Variants in PCDHA5 observed in about 807,000 individuals in gnomAD.
PCDHA5 encodes the protein protocadherin alpha 5.
A neutral mutation model predicts 61.6 loss-of-function variants in PCDHA5; 43 were observed. That is an observed-to-expected ratio of 0.70 (90% CI 0.55 to 0.90). PCDHA5 has a LOEUF of 0.90. PCDHA5 is among the 40% of genes least tolerant of loss of function. PCDHA5 has a pLI of 0.00. For synonymous variants in PCDHA5, 627 were observed against 543.9 expected (o/e 1.15, Z -2.13); for missense variants, 1,298 against 1,222.7 (o/e 1.06, Z -0.92).
rs782257127 is a variant in PCDHA5, at chr5:140,870,719, C to G, written c.2352+46592C>G. On this transcript the variant is annotated intron_variant, in intron 1 of 3. Coordinates refer to ENST00000529859, the MANE Select transcript of PCDHA5 (RefSeq NM_018908.3). ...CAGTTCCAGGTGAGCGCGCGCGATG[C>G]GGGCGTGCCGCCTCTGAGCAGCAAC... 3.7e-6 allele frequency: 6 copies of G among 1,612,966 alleles called. No homozygotes were observed. In the African/African-American group the frequency reaches 4.0e-5, roughly 11 times the overall value.
chr5:140,932,966 G>C (rs2088764912), intron 1 of PCDHA5, among the ~76,000 whole-genome samples: 1 of 151,942 alleles, frequency 6.6e-6, no homozygotes, highest in South Asian at 2.1e-4. Context: ...TTGCTGAAAG[G>C]TTTTTACAAT....
chr5:140,881,587 G>C (rs1025219392), intron 1 of PCDHA5, among the ~76,000 whole-genome samples: 2 of 152,186 alleles, frequency 1.3e-5, no homozygotes, highest in Non-Finnish European at 1.5e-5. Context: ...CACATTGAGG[G>C]AAATTTATTA....
In PCDHA5 at chr5:141,010,177, C is replaced by T; in HGVS notation, c.*240C>T. 3 of 1,556,196 alleles carry T rather than the reference C, an allele frequency of 1.9e-6. No homozygotes were observed. The highest frequency in any genetic ancestry group is 1.7e-4 in the Middle Eastern group (1 of 6,000). On this transcript the variant is annotated 3_prime_UTR_variant, in exon 4 of 4. Coordinates refer to ENST00000529859, the MANE Select transcript of PCDHA5 (RefSeq NM_018908.3). ...TGGCTTGTTTTCAGAACCTAAAAAG[C>T]AGACCCAAGTTTCCTTTCTCCTCCG... is the stretch of plus-strand genomic sequence containing the variant.
intron 1 of PCDHA5, chr5:140,836,937 G>T: frequency 2.1e-6 from 1 of 469,842 alleles, no homozygotes; most frequent in Non-Finnish European, 3.6e-6. Context: ...TAATACTATA[G>T]ATCAAAATCT....
chr5:140,861,480 T>G, intron 1 of PCDHA5: 1 of 490,608 alleles, frequency 2.0e-6, no homozygotes, highest in Non-Finnish European at 4.2e-6. Flanking sequence ...GAATGGCATT[T>G]TTGTGAGTTC....
chr5:140,895,428 C>A (rs2065003978), intron 1 of PCDHA5, among the ~76,000 whole-genome samples: 1 of 152,154 alleles, frequency 6.6e-6, no homozygotes, highest in Non-Finnish European at 1.5e-5. Flanking sequence ...TTTGCTTCCT[C>A]CTGAGACTCT....
chr5:140,878,060 T>C (rs1251415258), intron 1 of PCDHA5: 2 of 426,090 alleles, frequency 4.7e-6, no homozygotes, highest in Non-Finnish European at 7.6e-6. Flanking sequence ...CCACACTTAA[T>C]ATTTTTCTTT....
At chr5:140,886,951 C>T (rs1277166050) in intron 1 of PCDHA5, among the ~76,000 whole-genome samples, 1 of 151,696 alleles carries the variant, frequency 6.6e-6, no homozygotes, top group Non-Finnish European at 1.5e-5. Flanking sequence ...ACACATTAGA[C>T]ATTTAGCAAC....
At chr5:140,997,978 C>T (rs1205743045) in intron 3 of PCDHA5, among the ~76,000 whole-genome samples, 2 of 152,182 alleles carry the variant, frequency 1.3e-5, no homozygotes, top group African/African-American at 2.4e-5. Context: ...TTGGACTGCA[C>T]TTGTTACATA....
At chr5:140,949,816 A>G (rs1223140568) in intron 1 of PCDHA5, among the ~76,000 whole-genome samples, 2 of 151,532 alleles carry the variant, frequency 1.3e-5, no homozygotes, top group African/African-American at 4.8e-5. Context: ...TTTGCTTTCT[A>G]TTTGTCCCCT....
intron 1 of PCDHA5, chr5:140,927,096 G>A (rs1554204014): frequency 1.2e-6 from 2 of 1,612,778 alleles, no homozygotes; most frequent in Admixed American, 1.7e-5. Context: ...ACTTCGGGGT[G>A]GATCTACCCA....
intron 1 of PCDHA5, chr5:140,866,192 G>A (rs2049201997): frequency 6.6e-6 from 1 of 152,028 alleles, no homozygotes; most frequent in Non-Finnish European, 1.5e-5. Context: ...AGAAAACTGT[G>A]GTTTCCAATA....
At chr5:140,921,588 T>C (rs534654717) in intron 1 of PCDHA5, among the ~76,000 whole-genome samples, 1 of 152,342 alleles carries the variant, frequency 6.6e-6, no homozygotes, top group African/African-American at 2.4e-5. Flanking sequence ...TACTATATTA[T>C]GGTTTCAAAG....
At chr5:140,890,822 A>G (rs1044008204) in intron 1 of PCDHA5, among the ~76,000 whole-genome samples, 1 of 152,186 alleles carries the variant, frequency 6.6e-6, no homozygotes, top group Non-Finnish European at 1.5e-5. Context: ...TTTTAAATGT[A>G]CTTACATATT....
At chr5:140,861,304 A>G (rs1581606834) in intron 1 of PCDHA5, 1 of 189,694 alleles carries the variant, frequency 5.3e-6, no homozygotes, top group Non-Finnish European at 1.1e-5. Context: ...GTGAAGCGGG[A>G]AAGGACCAGT....
intron 3 of PCDHA5, among the ~76,000 whole-genome samples, chr5:140,986,019 G>T (rs562523452): frequency 1.3e-5 from 2 of 152,036 alleles, no homozygotes; most frequent in African/African-American, 2.4e-5. Flanking sequence ...GATTACAGGC[G>T]TGAGCCACTG....
chr5:140,953,851 GC>G (rs1458424600), intron 1 of PCDHA5, among the ~76,000 whole-genome samples: 6 of 152,108 alleles, frequency 3.9e-5, no homozygotes, highest in African/African-American at 1.2e-4. Context: ...GTAAACATGT[GC>G]CATGGTGGTT....
At chr5:140,900,192 A>G (rs1280412667) in intron 1 of PCDHA5, among the ~76,000 whole-genome samples, 2 of 152,186 alleles carry the variant, frequency 1.3e-5, no homozygotes, top group African/African-American at 2.4e-5. Flanking sequence ...ACTTATAATG[A>G]CATCCAGTTT....
At chr5:140,858,308 C>T in intron 1 of PCDHA5, 1 of 1,597,268 alleles carries the variant, frequency 6.3e-7, no homozygotes, top group Non-Finnish European at 8.6e-7. Context: ...GCAGAGGCGG[C>T]AGAGGGTGTG....
Sources: allele counts gnomAD v4.1 joint callset (sites outside exome capture counted in the v4.1 genomes callset), GRCh38; gene constraint gnomAD v4.1.1; transcripts MANE v1.5; gene names NCBI Gene and HGNC (gene_info 2026-07-23, HGNC 2026-07-21).